FTO: variants seen among roughly 807,000 people sequenced by gnomAD.
The protein encoded by FTO is FTO alpha-ketoglutarate dependent dioxygenase.
A neutral mutation model predicts 63.9 loss-of-function variants in FTO; 47 were observed. That is an observed-to-expected ratio of 0.74 (90% CI 0.58 to 0.94). The LOEUF (loss-of-function observed/expected upper bound fraction) is 0.94. Among genes scored for constraint, FTO ranks in the 40% least tolerant of loss-of-function variants. The pLI, the probability that FTO is intolerant of heterozygous loss-of-function variation, is 0.00. For synonymous variants in FTO, 207 were observed against 224.4 expected (o/e 0.92, Z 0.69); for missense variants, 562 against 618.1 (o/e 0.91, Z 0.96).
chr16:54,089,006 C>A (rs1206694095), intron 8 of FTO, among the ~76,000 whole-genome samples: 1 of 152,160 alleles, frequency 6.6e-6, no homozygotes, highest in Non-Finnish European at 1.5e-5. Context: ...GCAGGAAGTT[C>A]TTTTGAAGAA....
intron 8 of FTO, among the ~76,000 whole-genome samples, chr16:54,084,387 G>A (rs2086215794): frequency 6.6e-6 from 1 of 152,110 alleles, no homozygotes; most frequent in African/African-American, 2.4e-5. Context: ...TTGGGGGCTG[G>A]CCTACGTACA....
intron 1 of FTO, among the ~76,000 whole-genome samples, chr16:53,749,961 T>C (rs2076745029): frequency 6.6e-6 from 1 of 152,182 alleles, no homozygotes; most frequent in Admixed American, 6.5e-5. Context: ...ATGGCAGATC[T>C]AATTTAGGGG....
intron 2 of FTO, among the ~76,000 whole-genome samples, chr16:53,824,744 G>A (rs1014408627): frequency 6.6e-6 from 1 of 152,218 alleles, no homozygotes; most frequent in Non-Finnish European, 1.5e-5. Flanking sequence ...AGGTTAATGT[G>A]TTGATCATGT....
rs2075640843 is a variant in FTO at position 53,707,068 on chromosome 16, GT to G, written c.45+2842del. Among the ~76,000 whole-genome samples, 4 of 152,126 alleles carry G rather than the reference GT, an allele frequency of 2.6e-5. No homozygotes were observed. In the South Asian group the frequency reaches 8.3e-4, roughly 32 times the overall value. On this transcript the variant is annotated intron_variant, in intron 1 of 8. Transcript: ENST00000471389. ...CGAAGTGATTTGACCATTTGTTTTA[GT>G]TTCTTATGGCTGCTGCAACAAGTTA...
intron 1 of FTO, among the ~76,000 whole-genome samples, chr16:53,708,303 T>G (rs2075676610): frequency 6.6e-6 from 1 of 151,776 alleles, no homozygotes; most frequent in Admixed American, 6.6e-5. Context: ...AGGCAGAGGT[T>G]GCAGAGAGCC....
At chr16:53,704,064 T>C (rs1971786903), upstream of FTO, 1 of 1,068,920 alleles carries the variant, frequency 9.4e-7, no homozygotes, top group Non-Finnish European at 1.4e-6. Context: ...TAGTTTTTTC[T>C]ACTCAGAGGG....
chr16:53,737,583 G>A (rs879831624), intron 1 of FTO, among the ~76,000 whole-genome samples: 2 of 152,158 alleles, frequency 1.3e-5, no homozygotes, highest in African/African-American at 2.4e-5. Flanking sequence ...TTGTATATGC[G>A]GTCCGTTGTT....
At chr16:53,796,566 A>G (rs1340795205) in intron 1 of FTO, among the ~76,000 whole-genome samples, 1 of 152,250 alleles carries the variant, frequency 6.6e-6, no homozygotes, top group Non-Finnish European at 1.5e-5. Context: ...AATTACTAAT[A>G]TCTAAGAAAA....
At chr16:53,822,934 T>TATC (rs2078906721) in intron 2 of FTO, among the ~76,000 whole-genome samples, 6 of 152,304 alleles carry the variant, frequency 3.9e-5, no homozygotes, top group African/African-American at 1.4e-4. Context: ...CTCATGAGTG[T>TATC]ACTGAGAAAC....
Position 53,934,153 on chromosome 16 carries a change from A to G in FTO, c.1364+44A>G, listed in dbSNP as rs1262807962. ...TGGGATTTGTTGTTCTTGACAAACAAGAACTATATTTGGCCAAGCCCTTCC... is the reference window on the plus strand; with the variant it reads ...TGGGATTTGTTGTTCTTGACAAACAGGAACTATATTTGGCCAAGCCCTTCC... On this transcript the variant is annotated intron_variant, in intron 8 of 8. Transcript: ENST00000471389. The G allele has an allele frequency of 1.9e-6, 3 of 1,611,764 alleles. No individual in the cohort carries two copies. In the East Asian group the frequency reaches 6.7e-5, roughly 36 times the overall value.
chr16:53,987,675 A>G (rs561037218), intron 8 of FTO, among the ~76,000 whole-genome samples: 3 of 151,942 alleles, frequency 2.0e-5, no homozygotes, highest in Non-Finnish European at 4.4e-5. Context: ...CCATCCTCCC[A>G]TCATAAACAC....
At chr16:53,859,838 G>A (rs1197395539) in intron 4 of FTO, among the ~76,000 whole-genome samples, 1 of 152,130 alleles carries the variant, frequency 6.6e-6, no homozygotes. Flanking sequence ...ACCATTGGTG[G>A]GAGTGTAAAT....
chr16:53,746,933 T>A (rs1190128407), intron 1 of FTO, among the ~76,000 whole-genome samples: 1 of 152,218 alleles, frequency 6.6e-6, no homozygotes, highest in Non-Finnish European at 1.5e-5. Flanking sequence ...TGATTCCACA[T>A]GTAAGTGAGA....
At chr16:53,852,597 G>A (rs961508956) in intron 4 of FTO, among the ~76,000 whole-genome samples, 2 of 152,188 alleles carry the variant, frequency 1.3e-5, no homozygotes, top group African/African-American at 4.8e-5. Context: ...GTTGATGTAA[G>A]TGTTGTTTAT....
intron 8 of FTO, among the ~76,000 whole-genome samples, chr16:53,969,282 T>C (rs1200867270): frequency 6.6e-6 from 1 of 152,098 alleles, no homozygotes; most frequent in African/African-American, 2.4e-5. Flanking sequence ...ACAGCATTTG[T>C]CCTTTATCTG....
chr16:53,849,872 A>G (rs1272202816), intron 4 of FTO, among the ~76,000 whole-genome samples: 1 of 152,132 alleles, frequency 6.6e-6, no homozygotes, highest in East Asian at 1.9e-4. Context: ...ATCTTTGTAA[A>G]TCCTCCAGGT....
intron 8 of FTO, among the ~76,000 whole-genome samples, chr16:53,990,171 A>C (rs2083774446): frequency 6.6e-6 from 1 of 152,186 alleles, no homozygotes; most frequent in Admixed American, 6.5e-5. Flanking sequence ...TACACTGTTC[A>C]AAGGTCACGT....
chr16:53,776,946 T>C (rs769411333), intron 1 of FTO, among the ~76,000 whole-genome samples: 18 of 152,296 alleles, frequency 1.2e-4, no homozygotes, highest in Admixed American at 3.3e-4. Flanking sequence ...TTTTTGTTTT[T>C]AATTGACAAT....
chr16:53,784,235 C>T (rs2077672788), intron 1 of FTO, among the ~76,000 whole-genome samples: 1 of 152,204 alleles, frequency 6.6e-6, no homozygotes. Context: ...AGTATACTTG[C>T]TGTCTGTACA....
Sources: allele counts gnomAD v4.1 joint callset (sites outside exome capture counted in the v4.1 genomes callset), GRCh38; gene constraint gnomAD v4.1.1; transcripts MANE v1.5; gene names NCBI Gene and HGNC (gene_info 2026-07-23, HGNC 2026-07-21).